ATP8A2: variants seen among roughly 807,000 people sequenced by gnomAD.
The protein encoded by ATP8A2 is phospholipid-transporting ATPase IB.
A neutral mutation model predicts 165.6 loss-of-function variants in ATP8A2; 100 were observed. The ratio of observed to expected loss-of-function variants is 0.60; its 90% confidence interval spans 0.51 to 0.71. The LOEUF is 0.71. Ranked by LOEUF, ATP8A2 falls within the 30% of genes least tolerant of loss-of-function variation. The pLI is 0.00. For synonymous variants in ATP8A2, 543 were observed against 548.8 expected (o/e 0.99, Z 0.15); for missense variants, 1,227 against 1,479.5 (o/e 0.83, Z 2.80).
chr13:25,653,297 C>T (rs1053496991), intron 24 of ATP8A2, among the ~76,000 whole-genome samples: 3 of 152,148 alleles, frequency 2.0e-5, no homozygotes, highest in Non-Finnish European at 2.9e-5. Flanking sequence ...CCATGACCTT[C>T]GCAGGAACAT....
chr13:25,624,043 T>C (rs1406673081), intron 24 of ATP8A2, among the ~76,000 whole-genome samples: 3 of 152,130 alleles, frequency 2.0e-5, no homozygotes, highest in Non-Finnish European at 2.9e-5. Flanking sequence ...GACTTCATGG[T>C]AGAAACTGGT....
chr13:25,455,926 C>T lies in ATP8A2; in HGVS notation c.77-13051C>T, dbSNP rs548422637. ...CAAAATAGTTTTTCCATTCTCTACT[C>T]CTTGCCCTCCTCTTCAGAGAAGTGT... On this transcript the variant is annotated intron_variant, in intron 1 of 36. Transcript: ENST00000381655. Among the ~76,000 whole-genome samples, 18 of 152,292 alleles carry T rather than the reference C, an allele frequency of 1.2e-4. 1 individual carries two copies. Among genetic ancestry groups the T allele is most frequent in the Middle Eastern group, 6.8e-3 (2 of 294 alleles).
Position 25,792,382 on chromosome 13 carries a change from G to A in ATP8A2, c.2679+17423G>A, listed in dbSNP as rs114872923. On this transcript the variant is annotated intron_variant, in intron 27 of 36. Coordinates refer to ENST00000381655, the MANE Select transcript of ATP8A2 (RefSeq NM_016529.6). ...AGAAAACACTTTCTGCAGGTGGTTA[G>A]TTGTCTTTAATATGTCTCATCAAGC... Among the ~76,000 whole-genome samples, 1,142 of 152,286 alleles carry A rather than the reference G, an allele frequency of 7.5e-3. 16 individuals carry two copies. The highest frequency in any genetic ancestry group is 0.026 in the African/African-American group (1,099 of 41,556).
At chr13:25,436,089 T>C (rs939140108) in intron 1 of ATP8A2, among the ~76,000 whole-genome samples, 5 of 151,968 alleles carry the variant, frequency 3.3e-5, no homozygotes, top group Non-Finnish European at 7.4e-5. Flanking sequence ...GGCTTGTTAA[T>C]AGATTTTACT....
rs1566306570 is a variant in ATP8A2, at chr13:25,589,646, C to T, written c.2158C>T (p.Arg720Ter). ...TTCCTCCACTTCAGGGTATTCCTGC[C>T]GATTGGTATCGCAGAATATGGCCCT... The part of the protein sequence containing the change: ...ETAINIGYSC[R>*]LVSQNMALIL... The change falls in exon 24 of 37, where the codon CGA (arginine) becomes TGA (stop). Residue 720 changes from arginine to a stop codon, truncating the protein, a stop_gained. Coordinates refer to ENST00000381655, the MANE Select transcript of ATP8A2 (RefSeq NM_016529.6). LOFTEE classifies it high-confidence loss of function. 1.9e-6 allele frequency: 3 copies of T among 1,611,198 alleles called. No individual in the cohort carries two copies. The highest frequency in any genetic ancestry group is 1.7e-6 in the Non-Finnish European group (2 of 1,177,820).
intron 29 of ATP8A2, among the ~76,000 whole-genome samples, chr13:25,838,149 G>A (rs909944338): frequency 9.9e-5 from 15 of 152,196 alleles, no homozygotes; most frequent in Admixed American, 1.3e-4. Context: ...TGCTGGTGGC[G>A]GTCATGATTT....
At chr13:25,514,926 G>A (rs12430005) in intron 2 of ATP8A2, among the ~76,000 whole-genome samples, 9,009 of 152,142 alleles carry the variant, frequency 0.059, 341 homozygotes, top group South Asian at 0.13. Context: ...GTGTCAACTC[G>A]ACAGGGCTAT....
chr13:25,523,959 T>A (rs1247236509), intron 2 of ATP8A2, among the ~76,000 whole-genome samples: 2 of 152,166 alleles, frequency 1.3e-5, no homozygotes, highest in Non-Finnish European at 2.9e-5. Flanking sequence ...AGTTGTTTAT[T>A]TGAAGTCTTT....
chr13:25,606,734 A>C (rs182345161), intron 24 of ATP8A2, among the ~76,000 whole-genome samples: 5 of 152,324 alleles, frequency 3.3e-5, no homozygotes, highest in Admixed American at 3.3e-4. Context: ...ATAGAGGGTT[A>C]ATGAGAAGTG....
intron 33 of ATP8A2, among the ~76,000 whole-genome samples, chr13:25,893,998 A>G (rs1393115608): frequency 6.6e-6 from 1 of 152,100 alleles, no homozygotes; most frequent in South Asian, 2.1e-4. Flanking sequence ...GTTCACTCTG[A>G]TGGTGGTTTC....
intron 28 of ATP8A2, among the ~76,000 whole-genome samples, chr13:25,836,852 C>G (rs9578927): frequency 0.034 from 5,182 of 152,284 alleles, 303 homozygotes; most frequent in African/African-American, 0.12. Context: ...ACACTTCAGA[C>G]AGCTAACTGT....
At chr13:25,406,775 C>G (rs762645672) in intron 1 of ATP8A2, among the ~76,000 whole-genome samples, 1 of 152,226 alleles carries the variant, frequency 6.6e-6, no homozygotes, top group Non-Finnish European at 1.5e-5. Context: ...AGTTTTGTTA[C>G]TCTTCCCAGA....
chr13:25,941,485 C>T (rs1955071268), intron 33 of ATP8A2, among the ~76,000 whole-genome samples: 1 of 152,134 alleles, frequency 6.6e-6, no homozygotes, highest in Non-Finnish European at 1.5e-5. Flanking sequence ...CTTCTGGCTG[C>T]AATGCTCTTC....
intron 2 of ATP8A2, among the ~76,000 whole-genome samples, chr13:25,506,435 G>A (rs1291914442): frequency 6.6e-6 from 1 of 152,176 alleles, no homozygotes; most frequent in African/African-American, 2.4e-5. Context: ...CCTCCAATAT[G>A]GAAACCAGGA....
intron 24 of ATP8A2, among the ~76,000 whole-genome samples, chr13:25,626,329 G>GC (rs1336656770): frequency 6.6e-6 from 1 of 152,146 alleles, no homozygotes. Context: ...GGGCCTTCTT[G>GC]CTGCATCATA....
intron 33 of ATP8A2, among the ~76,000 whole-genome samples, chr13:25,940,670 C>T (rs1424996395): frequency 6.6e-6 from 1 of 152,174 alleles, no homozygotes; most frequent in African/African-American, 2.4e-5. Context: ...TGGTCACAAG[C>T]CTTTGCCCAC....
At chr13:25,911,588 G>A (rs1442666524) in intron 33 of ATP8A2, among the ~76,000 whole-genome samples, 1 of 152,194 alleles carries the variant, frequency 6.6e-6, no homozygotes, top group Non-Finnish European at 1.5e-5. Flanking sequence ...AAAGAAGTGA[G>A]TTAGTAGCTT....
rs369474774 is a variant in ATP8A2, at chr13:25,464,509, G to A, written c.77-4468G>A. The stretch of plus-strand genomic sequence containing the variant: ...CTGGTCCACTCAGAGGGTAGAAGAC[G>A]GCCATCTAGAGACCTGGTGTGTATA... On this transcript the variant is annotated intron_variant, in intron 1 of 36. Transcript: ENST00000381655. Among the ~76,000 whole-genome samples, 453 of 151,328 alleles carry A rather than the reference G, an allele frequency of 3.0e-3. 1 individual carries two copies. Among genetic ancestry groups the A allele is most frequent in the South Asian group, 0.012 (59 of 4,760 alleles).
chr13:25,722,103 A>G (rs1220466906), intron 25 of ATP8A2, among the ~76,000 whole-genome samples: 3 of 152,104 alleles, frequency 2.0e-5, no homozygotes, highest in Admixed American at 6.5e-5. Context: ...ATCCTTGCCA[A>G]TGCTGGTATG....
Sources: allele counts gnomAD v4.1 joint callset (sites outside exome capture counted in the v4.1 genomes callset), GRCh38; gene constraint gnomAD v4.1.1; transcripts MANE v1.5; gene names NCBI Gene and HGNC (gene_info 2026-07-23, HGNC 2026-07-21).